The following MTMR8 variants were observed in gnomAD, a reference collection of about 807,000 sequenced individuals.
MTMR8 encodes the protein phosphatidylinositol-3,5-bisphosphate 3-phosphatase MTMR8.
A neutral mutation model predicts 39.3 loss-of-function variants in MTMR8; 65 were observed. That is an observed-to-expected ratio of 1.65 (90% CI 1.35 to 2.03). The LOEUF (loss-of-function observed/expected upper bound fraction) is 2.03, where lower values mean the gene tolerates loss of function less well. MTMR8 is among the 30% of genes most tolerant of loss of function. The probability of loss-of-function intolerance (pLI) is 0.00; values close to 1 mark genes in which losing one functional copy is unlikely to be tolerated. For synonymous variants in MTMR8, 245 were observed against 185.2 expected (o/e 1.32, Z -2.62); for missense variants, 777 against 538.9 (o/e 1.44, Z -4.37).
chrX:64,305,772 T>C, intron 12 of MTMR8: 1 of 401,759 alleles, frequency 2.5e-6, no homozygotes, highest in Non-Finnish European at 4.7e-6. Context: ...TGAAAGCATT[T>C]CCTGTATGGT....
At chrX:64,301,115 C>A (rs1457026505) in intron 12 of MTMR8, among the ~76,000 whole-genome samples, 8 of 107,427 alleles carry the variant, frequency 7.4e-5, no homozygotes, top group Non-Finnish European at 1.5e-4. Flanking sequence ...TGAATCTGAA[C>A]GTTGGCCTGC....
intron 12 of MTMR8, among the ~76,000 whole-genome samples, chrX:64,276,101 GTCTA>G (rs1256952989): frequency 2.7e-5 from 3 of 111,283 alleles, no homozygotes; most frequent in African/African-American, 9.8e-5. Context: ...CTGGCTAGTG[GTCTA>G]TCTATTTTGT....
intron 1 of MTMR8, among the ~76,000 whole-genome samples, chrX:64,377,551 C>T (rs549574549): frequency 8.9e-6 from 1 of 112,395 alleles, no homozygotes; most frequent in Admixed American, 9.4e-5. Flanking sequence ...TTTGTTTTGG[C>T]CAATATATCC....
chrX:64,359,540 G>GA lies in MTMR8; in HGVS notation c.25-14dup, dbSNP rs747405283. 1.3e-5 allele frequency: 16 copies of GA among 1,190,495 alleles called. No individual in the cohort carries two copies. The highest frequency in any genetic ancestry group is 1.8e-5 in the South Asian group (1 of 54,209). On this transcript the variant is annotated splice_polypyrimidine_tract_variant and intron_variant, in intron 1 of 13. Transcript: ENST00000374852. The stretch of plus-strand genomic sequence containing the variant: ...TCACGTTTTCTACCTGTTATTGGAG[G>GA]AAAAAATACTGAATAAGTTACCAAC...
chrX:64,333,522 C>T (rs1922996496), intron 10 of MTMR8, among the ~76,000 whole-genome samples: 1 of 111,975 alleles, frequency 8.9e-6, no homozygotes, highest in South Asian at 3.7e-4. Flanking sequence ...AAGTCTTACT[C>T]TACCAAAAAC....
chrX:64,328,727 C>T (rs774737921), intron 12 of MTMR8, 45 bp downstream of exon 12: 1 of 1,115,043 alleles, frequency 9.0e-7, no homozygotes, highest in Non-Finnish European at 1.2e-6. Flanking sequence ...AAGCTGAGAC[C>T]CTGGGACCTG....
At chrX:64,290,908 G>A (rs1030187230) in intron 12 of MTMR8, among the ~76,000 whole-genome samples, 1 of 111,771 alleles carries the variant, frequency 8.9e-6, no homozygotes, top group African/African-American at 3.2e-5. Context: ...GAATAAAAAT[G>A]CTATAAGTAT....
chrX:64,315,607 T>G (rs1162251781), intron 12 of MTMR8, among the ~76,000 whole-genome samples: 1 of 112,111 alleles, frequency 8.9e-6, no homozygotes, highest in Non-Finnish European at 1.9e-5. Context: ...CCATCCTTTT[T>G]TTTTTACTTT....
chrX:64,324,729 G>A (rs1922740961), intron 12 of MTMR8, among the ~76,000 whole-genome samples: 1 of 98,100 alleles, frequency 1.0e-5, no homozygotes, highest in Admixed American at 1.2e-4. Flanking sequence ...TTATAAAATG[G>A]CCCTACCCCT....
intron 1 of MTMR8, among the ~76,000 whole-genome samples, chrX:64,359,922 G>GAAAAA (rs202232811): frequency 2.3e-5 from 1 of 43,076 alleles, no homozygotes; most frequent in African/African-American, 5.6e-5. Flanking sequence ...GGCAAGAATA[G>GAAAAA]AAAAAAAAAA....
intron 1 of MTMR8, among the ~76,000 whole-genome samples, chrX:64,383,049 A>AT (rs1444218929): frequency 8.1e-5 from 9 of 111,469 alleles, no homozygotes; most frequent in African/African-American, 2.9e-4. Context: ...TAATAACAAA[A>AT]TAGAGAAGTT....
chrX:64,331,665 C>G lies in MTMR8; in HGVS notation c.1244G>C (p.Cys415Ser), dbSNP rs777200107. 4 of 1,210,268 alleles carry G rather than the reference C, an allele frequency of 3.3e-6. No individual in the cohort carries two copies. The South Asian group carries it at 7.0e-5, about 21-fold the overall frequency. ...CIWQLMEQFP[C>S]AFEFNENFLL... ...GAAGTTTTCATTAAACTCAAAGGCACAGGGAAACTGTTCCATTAATTGCCA... is the reference window on the plus strand; with the variant it reads ...GAAGTTTTCATTAAACTCAAAGGCAGAGGGAAACTGTTCCATTAATTGCCA... The change falls in exon 11 of 14, where the codon TGT becomes TCT. Residue 415 changes from cysteine (C) to serine (S), a missense_variant. Cys to Ser is a moderately radical substitution (Grantham distance 112). Transcript: ENST00000374852.
At chrX:64,293,237 A>G (rs1190006370) in intron 12 of MTMR8, among the ~76,000 whole-genome samples, 1 of 111,807 alleles carries the variant, frequency 8.9e-6, no homozygotes, top group Non-Finnish European at 1.9e-5. Context: ...AAGAGTTCAT[A>G]GCTTCACTGG....
chrX:64,319,447 C>G (rs1336608335), intron 12 of MTMR8, among the ~76,000 whole-genome samples: 1 of 112,276 alleles, frequency 8.9e-6, no homozygotes, highest in African/African-American at 3.2e-5. Flanking sequence ...GTGGACATTG[C>G]ACTTGGTGTT....
chrX:64,370,401 A>T (rs780938035), intron 1 of MTMR8, among the ~76,000 whole-genome samples: 1 of 110,173 alleles, frequency 9.1e-6, no homozygotes, highest in South Asian at 3.9e-4. Context: ...GAAAGGCGAG[A>T]TGCTTGTGAA....
rs892801449 is a variant in MTMR8 at position 64,292,979 on chromosome X, T to C, written c.1482-21906A>G. 4.5e-5 allele frequency among the ~76,000 whole-genome samples: 5 copies of C among 111,091 alleles called. No homozygotes were observed. The Admixed American group carries it at 4.8e-4, about 11-fold the overall frequency. ...GCTTGGCTTGGTGGGCTTTCCATCC[T>C]ATACTAGGCCTTATAAAGGCCTGGG... On this transcript the variant is annotated intron_variant, in intron 12 of 13. Coordinates refer to ENST00000374852, the MANE Select transcript of MTMR8 (RefSeq NM_017677.4).
chrX:64,288,053 C>G (rs1415373166), intron 12 of MTMR8, among the ~76,000 whole-genome samples: 1 of 31,940 alleles, frequency 3.1e-5, no homozygotes, highest in Non-Finnish European at 6.8e-5. Context: ...AAAAAAACTA[C>G]CATAAGAGTG....
At chrX:64,388,750 G>A (rs766334639) in intron 1 of MTMR8, among the ~76,000 whole-genome samples, 18 of 112,437 alleles carry the variant, frequency 1.6e-4, no homozygotes, top group Admixed American at 2.8e-4. Context: ...CAGTTCTGTG[G>A]TCAGCATAGG....
At chrX:64,375,626 T>C (rs1309493580) in intron 1 of MTMR8, among the ~76,000 whole-genome samples, 1 of 111,139 alleles carries the variant, frequency 9.0e-6, no homozygotes, top group Non-Finnish European at 1.9e-5. Flanking sequence ...ATGGGATTAG[T>C]GCTCTTATGA....
Sources: gnomAD v4.1 joint callset for allele counts (sites outside exome capture counted in the v4.1 genomes callset) on GRCh38, gnomAD v4.1.1 for gene constraint, MANE v1.5 for transcripts, NCBI Gene and HGNC (gene_info 2026-07-23, HGNC 2026-07-21) for gene names.